Variants in APBA1 observed in about 807,000 individuals in gnomAD.
APBA1 encodes the protein amyloid-beta A4 precursor protein-binding family A member 1.
APBA1 carries 55 observed loss-of-function variants against 86.6 expected under a neutral mutation model. That is an observed-to-expected ratio of 0.64 (90% CI 0.51 to 0.80). APBA1 has a LOEUF of 0.80. Among genes scored for constraint, APBA1 ranks in the 30% least tolerant of loss-of-function variants. APBA1 has a pLI of 0.00. For missense variants in APBA1, 1,090 were observed against 1,183.0 expected, an observed-to-expected ratio of 0.92 and a Z score of 1.15; for synonymous variants, 511 against 493.9, an observed-to-expected ratio of 1.03 and a Z score of -0.46.
intron 1 of APBA1, among the ~76,000 whole-genome samples, chr9:69,595,830 C>A (rs1822216130): frequency 1.3e-5 from 2 of 152,114 alleles, no homozygotes; most frequent in South Asian, 4.1e-4. Context: ...TCTGAAGAGA[C>A]CTTCAGGTCA....
intron 1 of APBA1, among the ~76,000 whole-genome samples, chr9:69,640,126 C>T (rs954011252): frequency 1.6e-4 from 25 of 152,044 alleles, no homozygotes; most frequent in African/African-American, 5.8e-4. Context: ...ATAAAATAAG[C>T]GTTATCCAGG....
chr9:69,544,343 T>C (rs1429087866), intron 1 of APBA1, among the ~76,000 whole-genome samples: 2 of 152,242 alleles, frequency 1.3e-5, no homozygotes, highest in Non-Finnish European at 2.9e-5. Flanking sequence ...TTTCTGTTAC[T>C]GAATATAGCT....
intron 1 of APBA1, among the ~76,000 whole-genome samples, chr9:69,589,454 C>T (rs1405784342): frequency 2.0e-5 from 3 of 152,118 alleles, no homozygotes; most frequent in African/African-American, 7.2e-5. Flanking sequence ...CCATGGGCTC[C>T]CCTTCCTCTC....
intron 1 of APBA1, among the ~76,000 whole-genome samples, chr9:69,573,530 G>C (rs1419233815): frequency 6.6e-6 from 1 of 152,146 alleles, no homozygotes; most frequent in Non-Finnish European, 1.5e-5. Flanking sequence ...CAAAATTGTT[G>C]ACTTTGAACA....
At chr9:69,468,219 C>T (rs1247531250) in intron 4 of APBA1, among the ~76,000 whole-genome samples, 1 of 152,206 alleles carries the variant, frequency 6.6e-6, no homozygotes, top group Non-Finnish European at 1.5e-5. Flanking sequence ...TTTACTTAAA[C>T]ATGGAACATA....
chr9:69,643,000 C>T (rs924064310), intron 1 of APBA1, among the ~76,000 whole-genome samples: 1 of 151,220 alleles, frequency 6.6e-6, no homozygotes, highest in Non-Finnish European at 1.5e-5. Context: ...TATGTGTATA[C>T]ACACACACCC....
intron 6 of APBA1, among the ~76,000 whole-genome samples, chr9:69,457,593 G>C (rs566345606): frequency 6.6e-6 from 1 of 152,108 alleles, no homozygotes; most frequent in Non-Finnish European, 1.5e-5. Context: ...TGCAGTTCTG[G>C]TAAGAGGGTC....
intron 9 of APBA1, among the ~76,000 whole-genome samples, chr9:69,450,563 A>C (rs1834989859): frequency 6.6e-6 from 1 of 152,180 alleles, no homozygotes; most frequent in Non-Finnish European, 1.5e-5. Flanking sequence ...CCAGCTGCTG[A>C]AGCTTACAGT....
At chr9:69,524,958 A>G (rs373433915) in intron 1 of APBA1, among the ~76,000 whole-genome samples, 7 of 152,236 alleles carry the variant, frequency 4.6e-5, no homozygotes, top group African/African-American at 1.7e-4. Flanking sequence ...ATCACCACAT[A>G]AACAGAATTG....
chr9:69,526,094 A>G (rs568637550), intron 1 of APBA1, among the ~76,000 whole-genome samples: 3 of 152,264 alleles, frequency 2.0e-5, no homozygotes. Flanking sequence ...TAAAATACCA[A>G]ACTATAAGAC....
chr9:69,457,867 C>A (rs1396097127), intron 6 of APBA1, among the ~76,000 whole-genome samples: 1 of 152,126 alleles, frequency 6.6e-6, no homozygotes, highest in African/African-American at 2.4e-5. Flanking sequence ...CCTGCCACAT[C>A]GATGCTCCTG....
chr9:69,435,137 T>C (rs1834682657), intron 11 of APBA1, among the ~76,000 whole-genome samples: 1 of 152,130 alleles, frequency 6.6e-6, no homozygotes, highest in Non-Finnish European at 1.5e-5. Flanking sequence ...TCCTTTTTTA[T>C]GGCTGCATAG....
At chr9:69,550,151 T>G (rs985365860) in intron 1 of APBA1, among the ~76,000 whole-genome samples, 1 of 152,252 alleles carries the variant, frequency 6.6e-6, no homozygotes, top group Non-Finnish European at 1.5e-5. Context: ...TCAGTCCTCA[T>G]GCAGCTTGCT....
chr9:69,470,485 C>G (rs1835349879), intron 4 of APBA1, among the ~76,000 whole-genome samples: 2 of 152,112 alleles, frequency 1.3e-5, no homozygotes, highest in Admixed American at 1.3e-4. Flanking sequence ...CAGAAAACTT[C>G]CCAGAATGCT....
intron 1 of APBA1, among the ~76,000 whole-genome samples, chr9:69,549,785 T>C (rs998952059): frequency 6.6e-6 from 1 of 152,230 alleles, no homozygotes; most frequent in Non-Finnish European, 1.5e-5. Context: ...TTGAGGTGGA[T>C]AGAAACACGG....
At chr9:69,534,180 C>T (rs534751996) in intron 1 of APBA1, among the ~76,000 whole-genome samples, 1 of 152,176 alleles carries the variant, frequency 6.6e-6, no homozygotes, top group Non-Finnish European at 1.5e-5. Flanking sequence ...CATGCCCTTT[C>T]TGAGGAGAGG....
At chr9:69,569,856 G>A (rs941897186) in intron 1 of APBA1, among the ~76,000 whole-genome samples, 2 of 152,078 alleles carry the variant, frequency 1.3e-5, no homozygotes, top group Admixed American at 6.5e-5. Context: ...AGGCAGATAT[G>A]AACAGCCTGA....
intron 1 of APBA1, among the ~76,000 whole-genome samples, chr9:69,614,296 G>T (rs1296947283): frequency 1.3e-5 from 2 of 152,218 alleles, no homozygotes; most frequent in Admixed American, 6.5e-5. Context: ...TTCTAGTCAG[G>T]CCCGTGGAGA....
chr9:69,604,243 T>C (rs113637292), intron 1 of APBA1, among the ~76,000 whole-genome samples: 285 of 129,104 alleles, frequency 2.2e-3, no homozygotes, highest in African/African-American at 8.4e-3. Context: ...GGCACGCATA[T>C]GAGGGTAAGT....
Sources: allele counts gnomAD v4.1 joint callset (sites outside exome capture counted in the v4.1 genomes callset), GRCh38; gene constraint gnomAD v4.1.1; transcripts MANE v1.5; gene names NCBI Gene and HGNC (gene_info 2026-07-23, HGNC 2026-07-21).